LAPTM4B: variants seen among roughly 807,000 people sequenced by gnomAD.
LAPTM4B encodes the protein lysosomal protein transmembrane 4 beta, also known as lysosomal-associated transmembrane protein 4B.
In LAPTM4B, 26 loss-of-function variants were observed where a neutral mutation model predicts 28.5. The ratio of observed to expected loss-of-function variants is 0.91; its 90% CI spans 0.67 to 1.27. LAPTM4B has a LOEUF of 1.27. Among genes scored for constraint, LAPTM4B ranks in the 50% most tolerant of loss-of-function variants. The probability of loss-of-function intolerance (pLI) is 0.00; values close to 1 mark genes in which losing one functional copy is unlikely to be tolerated. For missense variants in LAPTM4B, 288 were observed against 285.8 expected (o/e 1.01, Z -0.06); for synonymous variants, 109 against 106.4 (o/e 1.02, Z -0.15).
intron 1 of LAPTM4B, among the ~76,000 whole-genome samples, chr8:97,786,711 A>AC (rs1012110748): frequency 7.3e-5 from 11 of 151,096 alleles, no homozygotes; most frequent in African/African-American, 1.9e-4. Flanking sequence ...GAAAAAAAAA[A>AC]AAAAAACCAT....
At chr8:97,842,769 A>C (rs1817368982) in intron 6 of LAPTM4B, among the ~76,000 whole-genome samples, 1 of 152,042 alleles carries the variant, frequency 6.6e-6, no homozygotes. Context: ...TGCCCGCCTC[A>C]GCCTCCCAAA....
At chr8:97,809,212 A>T (rs950836635) in intron 2 of LAPTM4B, among the ~76,000 whole-genome samples, 2 of 152,208 alleles carry the variant, frequency 1.3e-5, no homozygotes, top group Admixed American at 1.3e-4. Context: ...CCAGATCCAG[A>T]TAGAACCATA....
chr8:97,785,649 A>G (rs2129728587), intron 1 of LAPTM4B, among the ~76,000 whole-genome samples: 1 of 152,308 alleles, frequency 6.6e-6, no homozygotes, highest in Admixed American at 6.5e-5. Flanking sequence ...GAAAGGGGGA[A>G]CAGGGAGTGT....
intron 6 of LAPTM4B, among the ~76,000 whole-genome samples, chr8:97,845,896 CCCCTCCCCTT>C: frequency 9.5e-6 from 1 of 104,776 alleles, no homozygotes; most frequent in South Asian, 4.6e-4. Context: ...CCCCTCCCCT[CCCCTCCCCTT>C]CCCTTCGACA....
intron 2 of LAPTM4B, among the ~76,000 whole-genome samples, chr8:97,809,442 G>A (rs567739737): frequency 1.3e-5 from 2 of 152,326 alleles, no homozygotes; most frequent in East Asian, 1.9e-4. Flanking sequence ...GCTCACATAT[G>A]TAATCCCAGC....
Position 97,812,223 on chromosome 8 carries a change from TTTTG to T in LAPTM4B, c.212-3101_212-3098del, listed in dbSNP as rs1358052433. ...AATTATTTGTTTTTTTTTTGTTGTT[TTTTG>T]TTTTTTTTTTGAGTCGGAGTCTGAC... On this transcript the variant is annotated intron_variant, in intron 2 of 6. Coordinates refer to ENST00000521545, the MANE Select transcript of LAPTM4B (RefSeq NM_018407.6). Among the ~76,000 whole-genome samples, 296 of 44,398 alleles carry T rather than the reference TTTTG, an allele frequency of 6.7e-3. 7 individuals carry two copies. Among genetic ancestry groups the T allele is most frequent in the Admixed American group, 7.6e-3 (30 of 3,936 alleles). 29.1% of individuals were successfully genotyped at this position (44,398 alleles called of 152,430 possible).
intron 6 of LAPTM4B, among the ~76,000 whole-genome samples, chr8:97,849,626 G>A (rs1018009841): frequency 6.6e-6 from 1 of 152,212 alleles, no homozygotes; most frequent in Non-Finnish European, 1.5e-5. Flanking sequence ...TGCGACTCTG[G>A]CGCATTGCCT....
At chr8:97,849,113 G>C (rs1817477686) in intron 6 of LAPTM4B, among the ~76,000 whole-genome samples, 1 of 152,144 alleles carries the variant, frequency 6.6e-6, no homozygotes. Context: ...ACACCTTGCA[G>C]TTCCCAGAAA....
At chr8:97,805,053 G>A (rs1192388301) in intron 1 of LAPTM4B, among the ~76,000 whole-genome samples, 1 of 152,236 alleles carries the variant, frequency 6.6e-6, no homozygotes, top group Non-Finnish European at 1.5e-5. Flanking sequence ...TGATGCCTGT[G>A]TTTGTGTGTG....
rs1816524447 is a variant in LAPTM4B at position 97,792,806 on chromosome 8, G to A, written c.100-12547G>A. ...TTGGCCAGGCTGGTTTCGAACTCCT[G>A]ACCTCAAGTGATCCGCCCTCCTCAG... On this transcript the variant is annotated intron_variant, in intron 1 of 6. Coordinates refer to ENST00000521545, the MANE Select transcript of LAPTM4B (RefSeq NM_018407.6). Among the ~76,000 whole-genome samples, 3 of 152,066 alleles carry A rather than the reference G, an allele frequency of 2.0e-5. No individual in the cohort carries two copies. In the South Asian group the frequency reaches 6.2e-4, roughly 32 times the overall value.
At chr8:97,819,992 C>T (rs1816979547) in intron 5 of LAPTM4B, among the ~76,000 whole-genome samples, 1 of 152,102 alleles carries the variant, frequency 6.6e-6, no homozygotes, top group African/African-American at 2.4e-5. Context: ...ACCTCGGCCT[C>T]CCAAAGCTGG....
chr8:97,845,529 A>T (rs549290301), intron 6 of LAPTM4B, among the ~76,000 whole-genome samples: 1 of 152,140 alleles, frequency 6.6e-6, no homozygotes, highest in South Asian at 2.1e-4. Flanking sequence ...GGGGCCACAC[A>T]GTTGTCATCT....
chr8:97,793,261 T>G (rs1458357166), intron 1 of LAPTM4B, among the ~76,000 whole-genome samples: 2 of 152,208 alleles, frequency 1.3e-5, no homozygotes, highest in Non-Finnish European at 2.9e-5. Flanking sequence ...TAGCGTTTAT[T>G]CTACATTTTA....
intron 6 of LAPTM4B, among the ~76,000 whole-genome samples, chr8:97,851,057 A>G (rs1171093440): frequency 1.3e-5 from 2 of 148,980 alleles, no homozygotes; most frequent in Admixed American, 6.6e-5. Flanking sequence ...ACTGTAGTCA[A>G]TCAAGTGCCT....
chr8:97,823,055 G>A (rs865811320), intron 5 of LAPTM4B, among the ~76,000 whole-genome samples: 14 of 152,072 alleles, frequency 9.2e-5, no homozygotes, highest in Middle Eastern at 3.4e-3. Context: ...GTTAGCCAGG[G>A]TGGTCTCTAT....
In LAPTM4B at chr8:97,851,805, C is replaced by T. The variant is rs1456124991; in HGVS notation, c.*331C>T. 5 of 285,140 alleles carry T rather than the reference C, an allele frequency of 1.8e-5. No homozygotes were observed. Among genetic ancestry groups the T allele is most frequent in the Admixed American group, 9.7e-5 (2 of 20,554 alleles). The allele number at this position is 285,140 out of a possible 1,614,324, so 17.7% of individuals were successfully genotyped here. A position where few individuals can be genotyped will look rare whatever the true frequency, so the allele number is the denominator to read the frequency against. The stretch of plus-strand genomic sequence containing the variant: ...GGGCCCCAAAGTTGGGCATTTTTCT[C>T]TCTGTTCCCTCTCTTTTGAAAATGT... On this transcript the variant is annotated 3_prime_UTR_variant, in exon 7 of 7. Transcript: ENST00000521545.
chr8:97,810,337 G>T (rs184171177), intron 2 of LAPTM4B, among the ~76,000 whole-genome samples: 1 of 152,226 alleles, frequency 6.6e-6, no homozygotes, highest in Admixed American at 6.5e-5. Context: ...TTCTGGAAAA[G>T]AAAAAGGACA....
At chr8:97,831,808 G>T (rs558930976) in intron 6 of LAPTM4B, among the ~76,000 whole-genome samples, 2 of 152,182 alleles carry the variant, frequency 1.3e-5, no homozygotes, top group African/African-American at 4.8e-5. Flanking sequence ...TTTTGTGGGC[G>T]CAGACGTTTC....
chr8:97,807,422 C>T (rs751569698), intron 2 of LAPTM4B, among the ~76,000 whole-genome samples: 1 of 152,124 alleles, frequency 6.6e-6, no homozygotes, highest in Non-Finnish European at 1.5e-5. Context: ...ATCTACTTGC[C>T]TCAGAGTTGT....
Sources: gnomAD v4.1 joint callset for allele counts (sites outside exome capture counted in the v4.1 genomes callset) on GRCh38, gnomAD v4.1.1 for gene constraint, MANE v1.5 for transcripts, NCBI Gene and HGNC (gene_info 2026-07-23, HGNC 2026-07-21) for gene names.